The following DCDC2C variants were observed in gnomAD, a reference collection of about 807,000 sequenced individuals.
The protein encoded by DCDC2C is doublecortin domain containing 2C, also known as doublecortin domain-containing protein 2C.
In DCDC2C, 44 loss-of-function variants were observed where a neutral mutation model predicts 45.0. The ratio of observed to expected loss-of-function variants is 0.98; its 90% CI spans 0.77 to 1.26. The LOEUF is 1.26. DCDC2C is among the 50% of genes most tolerant of loss of function. The probability of loss-of-function intolerance (pLI) is 0.00; values close to 1 mark genes in which losing one functional copy is unlikely to be tolerated. For synonymous variants in DCDC2C, 187 were observed against 178.8 expected (o/e 1.05, Z -0.37); for missense variants, 447 against 468.9 (o/e 0.95, Z 0.43).
At chr2:3,769,240 G>A in intron 7 of DCDC2C, 71 bp from the exon 8 acceptor site, 1 of 1,455,520 alleles carries the variant, frequency 6.9e-7, no homozygotes, top group Admixed American at 2.0e-5. Context: ...TTGGGTTTGG[G>A]TCAGGAAATA....
Position 3,746,476 on chromosome 2 carries a change from G to A in DCDC2C, c.545+4428G>A, listed in dbSNP as rs531107728. 9.9e-5 allele frequency among the ~76,000 whole-genome samples: 15 copies of A among 152,272 alleles called. No homozygotes were observed. The Middle Eastern group carries it at 0.01, about 104-fold the overall frequency. On this transcript the variant is annotated intron_variant, in intron 4 of 10. Coordinates refer to ENST00000399143, the MANE Select transcript of DCDC2C (RefSeq NM_001287444.2). ...GAAAGAGGGCAAGTTGCCTGAGGTT[G>A]ACAATTCTGAACATTTTTTCCATGC... is the stretch of plus-strand genomic sequence containing the variant.
intron 9 of DCDC2C, among the ~76,000 whole-genome samples, chr2:3,784,073 A>G (rs1301178396): frequency 6.6e-6 from 1 of 151,950 alleles, no homozygotes. Context: ...ATAAGGAAAT[A>G]TGTCCATATC....
chr2:3,811,220 T>C (rs1385457806), intron 10 of DCDC2C, among the ~76,000 whole-genome samples: 1 of 152,238 alleles, frequency 6.6e-6, no homozygotes, highest in Non-Finnish European at 1.5e-5. Context: ...GAGAATGGAA[T>C]GTTTTTCCAT....
chr2:3,704,224 C>A (rs1257627053), intron 1 of DCDC2C, 186 bp downstream of exon 1: 8 of 499,810 alleles, frequency 1.6e-5, no homozygotes, highest in Middle Eastern at 5.5e-4. Flanking sequence ...TTCCTGGGGG[C>A]GAAGCCGAGG....
intron 5 of DCDC2C, among the ~76,000 whole-genome samples, chr2:3,753,219 G>C (rs1283057934): frequency 6.6e-6 from 1 of 152,220 alleles, no homozygotes; most frequent in East Asian, 1.9e-4. Flanking sequence ...ATGCCTGCCT[G>C]TGATGCACCC....
intron 10 of DCDC2C, among the ~76,000 whole-genome samples, chr2:3,827,977 T>G (rs548300140): frequency 6.6e-6 from 1 of 152,280 alleles, no homozygotes; most frequent in Non-Finnish European, 1.5e-5. Context: ...GAAAAAAATA[T>G]CAGTGGGCAA....
At position 3,703,669 on chromosome 2, in the gene DCDC2C, G is replaced by C. The variant is rs967198400; in HGVS notation, c.-83G>C. ...AGCGGACCTCCCGTCGGCGGTGCCC[G>C]GGCCTGGGCGCGGCTCTGCAGGCGT... On this transcript the variant is annotated 5_prime_UTR_variant, in exon 1 of 11. Transcript: ENST00000399143. This position sits in a 1 kb window ranked among gnomAD's most constrained non-coding sequence, Gnocchi z 4.4. The C allele has an allele frequency of 3.9e-5, 47 of 1,197,414 alleles. No homozygotes were observed. The highest frequency in any genetic ancestry group is 4.8e-5 in the Non-Finnish European group (46 of 961,854). The allele number at this position is 1,197,414 out of a possible 1,614,324, so 74.2% of individuals were successfully genotyped here.
chr2:3,704,812 C>G (rs1358313532), intron 1 of DCDC2C, among the ~76,000 whole-genome samples: 1 of 151,274 alleles, frequency 6.6e-6, no homozygotes, highest in African/African-American at 2.4e-5. Context: ...CCCTCTCACT[C>G]TGTGTCCATC....
At chr2:3,709,335 TA>T (rs1668147530) in intron 2 of DCDC2C, among the ~76,000 whole-genome samples, 1 of 152,162 alleles carries the variant, frequency 6.6e-6, no homozygotes, top group Admixed American at 6.5e-5. Flanking sequence ...GACTAAATGG[TA>T]AAATCTGTAT....
At chr2:3,756,348 C>T (rs891046708) in intron 6 of DCDC2C, among the ~76,000 whole-genome samples, 1 of 152,180 alleles carries the variant, frequency 6.6e-6, no homozygotes, top group Non-Finnish European at 1.5e-5. Flanking sequence ...CTGCCTGGCT[C>T]ACTGGCTCAA....
intron 6 of DCDC2C, among the ~76,000 whole-genome samples, chr2:3,756,364 C>T (rs1384203679): frequency 6.6e-6 from 1 of 152,326 alleles, no homozygotes; most frequent in Middle Eastern, 3.4e-3. Context: ...CTCAAGTCCC[C>T]TCCCTACTGT....
chr2:3,719,801 T>C (rs1668444243), intron 2 of DCDC2C, among the ~76,000 whole-genome samples: 1 of 152,192 alleles, frequency 6.6e-6, no homozygotes, highest in Admixed American at 6.5e-5. Context: ...CTATAGACAG[T>C]AGTGGATGCT....
chr2:3,831,276 G>A, intron 10 of DCDC2C, among the ~76,000 whole-genome samples: 1 of 152,214 alleles, frequency 6.6e-6, no homozygotes, highest in East Asian at 1.9e-4. Context: ...CAATGATGGG[G>A]TGTGTTCTGA....
chr2:3,711,905 C>T (rs1230306905), intron 2 of DCDC2C, among the ~76,000 whole-genome samples: 1 of 152,180 alleles, frequency 6.6e-6, no homozygotes, highest in Non-Finnish European at 1.5e-5. Context: ...CCTCTGGGGT[C>T]GTGGGGATGG....
intron 10 of DCDC2C, among the ~76,000 whole-genome samples, chr2:3,836,969 A>T (rs1672095726): frequency 6.6e-6 from 1 of 152,214 alleles, no homozygotes. Context: ...TAAAACGTTA[A>T]AAGGAGGACC....
At chr2:3,778,577 G>A (rs1215955274) in intron 8 of DCDC2C, among the ~76,000 whole-genome samples, 3 of 152,120 alleles carry the variant, frequency 2.0e-5, no homozygotes, top group Non-Finnish European at 2.9e-5. Flanking sequence ...GAGCGCCCAC[G>A]CCACTCCTTA....
intron 10 of DCDC2C, among the ~76,000 whole-genome samples, chr2:3,813,154 C>A (rs1480976641): frequency 6.6e-6 from 1 of 151,220 alleles, no homozygotes; most frequent in South Asian, 2.1e-4. Flanking sequence ...TCACTGCAAC[C>A]TCCACCTCTC....
At chr2:3,799,975 T>C (rs374364233) in intron 10 of DCDC2C, among the ~76,000 whole-genome samples, 10 of 152,298 alleles carry the variant, frequency 6.6e-5, no homozygotes, top group African/African-American at 1.4e-4. Context: ...GCCTCGCTGC[T>C]GCCTTGCAGT....
At chr2:3,717,566 A>G (rs1284023081) in intron 2 of DCDC2C, among the ~76,000 whole-genome samples, 1 of 151,084 alleles carries the variant, frequency 6.6e-6, no homozygotes, top group Non-Finnish European at 1.5e-5. Context: ...ACCTGGAAGG[A>G]GTCCCATGCC....
Sources: allele counts gnomAD v4.1 joint callset (sites outside exome capture counted in the v4.1 genomes callset), GRCh38; gene constraint gnomAD v4.1.1; non-coding constraint Gnocchi (gnomAD v3.1); transcripts MANE v1.5; gene names NCBI Gene and HGNC (gene_info 2026-07-23, HGNC 2026-07-21).